KLK14: variants seen among roughly 807,000 people sequenced by gnomAD.
KLK14 encodes the protein kallikrein-14.
KLK14 carries 21 observed loss-of-function variants against 24.6 expected under a neutral mutation model. The ratio of observed to expected loss-of-function variants is 0.85; its 90% CI spans 0.61 to 1.23. KLK14 has a LOEUF of 1.23. KLK14 is among the 50% of genes most tolerant of loss of function. KLK14 has a pLI of 0.00. For synonymous variants in KLK14, 133 were observed against 139.7 expected (o/e 0.95, Z 0.34); for missense variants, 320 against 338.9 (o/e 0.94, Z 0.44).
Position 51,078,744 on chromosome 19 carries a change from T to C in KLK14, c.603+71A>G, listed in dbSNP as rs1281662111. The C allele has an allele frequency of 2.3e-5, 36 of 1,572,696 alleles. No homozygotes were observed. Among genetic ancestry groups the C allele is most frequent in the Non-Finnish European group, 2.9e-5 (33 of 1,157,856 alleles). ...TTCTGAAGACCTCTGCAGACTTCCA[T>C]GCTCCTGACATCATTTGCTTAAATC... On this transcript the variant is annotated intron_variant, in intron 5 of 5. Transcript: ENST00000650543. This position sits in a 1 kb window ranked among gnomAD's most constrained non-coding sequence, Gnocchi z 5.0.
chr19:51,083,190 A>G (rs555585051), upstream of KLK14, among the ~76,000 whole-genome samples: 6 of 151,372 alleles, frequency 4.0e-5, no homozygotes, highest in East Asian at 2.0e-4. Context: ...GAGTCAGGAA[A>G]CCAGGGTGGG....
At chr19:51,083,869 G>C (rs538343014), upstream of KLK14, among the ~76,000 whole-genome samples, 1 of 152,266 alleles carries the variant, frequency 6.6e-6, no homozygotes, top group African/African-American at 2.4e-5. Flanking sequence ...AACACACACA[G>C]AACAACAGCG....
At position 51,079,678 on chromosome 19, in the gene KLK14, C is replaced by T; in HGVS notation, c.237G>A (p.Lys79=). 2 of 1,571,494 alleles carry T rather than the reference C, an allele frequency of 1.3e-6. No homozygotes were observed. Among genetic ancestry groups the T allele is most frequent in the East Asian group, 2.4e-5 (1 of 42,484 alleles). Reference sequence around the variant, plus strand: ...TGGCCTCCCACCTCCTCAGGTTGTGCTTGCCCAGGGCAACCTGAAGGATCC... The same window carrying T: ...TGGCCTCCCACCTCCTCAGGTTGTGTTTGCCCAGGGCAACCTGAAGGATCC... ...GRPILQVALG[K]HNLRRWEATQ... The change falls in exon 4 of 6, where the codon AAG becomes AAA. Residue 79 remains lysine, a synonymous_variant. Coordinates refer to ENST00000650543, the MANE Select transcript of KLK14 (RefSeq NM_001369775.2).
chr19:51,082,149 T>G (rs1269088613), intron 2 of KLK14, among the ~76,000 whole-genome samples: 1 of 149,768 alleles, frequency 6.7e-6, no homozygotes, highest in Non-Finnish European at 1.5e-5. Flanking sequence ...CTTGCCCCCA[T>G]CCACCTCACA....
chr19:51,082,980 TTTTA>T, upstream of KLK14: 1 of 594,702 alleles, frequency 1.7e-6, no homozygotes, highest in Non-Finnish European at 3.0e-6. Context: ...ATTTTTTTTT[TTTTA>T]TTGCCTAGTT....
chr19:51,082,955 C>A (rs1000333645), upstream of KLK14: 2 of 616,180 alleles, frequency 3.2e-6, no homozygotes, highest in Non-Finnish European at 2.8e-6. Context: ...CACCTCCCGC[C>A]GCCCTGCTTC....
downstream of KLK14, chr19:51,077,799 G>A: frequency 2.4e-6 from 1 of 420,752 alleles, no homozygotes. Flanking sequence ...TGGACTCCCG[G>A]GTCTGAGGGA....
At chr19:51,081,163 T>C (rs2091836737) in intron 3 of KLK14, among the ~76,000 whole-genome samples, 1 of 152,206 alleles carries the variant, frequency 6.6e-6, no homozygotes, top group Non-Finnish European at 1.5e-5. Context: ...GGGCTCTGAG[T>C]TCTACGTAGT....
intron 3 of KLK14, among the ~76,000 whole-genome samples, chr19:51,081,021 T>C (rs1184515760): frequency 1.4e-4 from 22 of 152,254 alleles, no homozygotes. Context: ...AGCGGAGCTA[T>C]AGACTAGACT....
intron 4 of KLK14, 31 bp downstream of exon 4, chr19:51,079,418 C>G: frequency 1.3e-6 from 2 of 1,579,176 alleles, no homozygotes; most frequent in South Asian, 1.1e-5. Context: ...CAGGCCCAGT[C>G]CCCTGCTTTC....
intron 3 of KLK14, among the ~76,000 whole-genome samples, chr19:51,081,288 C>T (rs1240349738): frequency 6.6e-6 from 1 of 152,154 alleles, no homozygotes; most frequent in South Asian, 2.1e-4. Context: ...ATCAGATGTT[C>T]GGTTCTCAGC....
At position 51,079,648 on chromosome 19, in the gene KLK14, C is replaced by T. The variant is rs758900035; in HGVS notation, c.267G>A (p.Gln89=). 1.2e-5 allele frequency: 19 copies of T among 1,597,726 alleles called. No homozygotes were observed. The highest frequency in any genetic ancestry group is 1.5e-5 in the Non-Finnish European group (18 of 1,172,004). Residue 89 remains glutamine, a synonymous_variant, in exon 4 of 6, where the codon CAG becomes CAA. Transcript: ENST00000650543. ...KHNLRRWEAT[Q]QVLRVVRQVT... is the part of the protein sequence containing the mutation. ...CCTGACGAACCACGCGCAGCACCTG[C>T]TGGGTGGCCTCCCACCTCCTCAGGT...
rs377230129 is a variant in KLK14, at chr19:51,078,926, G to A, written c.492C>T (p.Cys164=). ...PIARYPASLQ[C]VNINISPDEV... is the part of the protein sequence containing the mutation. ...CATCCGGGGAGATGTTGATGTTCAC[G>A]CATTGCAGAGAGGCGGGGTACCTGG... Residue 164 remains cysteine (C), a synonymous_variant, in exon 5 of 6, where the codon TGC becomes TGT. Transcript: ENST00000650543. The surrounding 1 kb of genome is among the most constrained non-coding windows in gnomAD (Gnocchi z 5.0). The A allele has an allele frequency of 1.4e-5, 23 of 1,613,988 alleles. No individual in the cohort carries two copies. In the Middle Eastern group the frequency reaches 1.2e-3, roughly 81 times the overall value.
chr19:51,080,315 C>T (rs1385162974), intron 3 of KLK14, among the ~76,000 whole-genome samples: 2 of 152,132 alleles, frequency 1.3e-5, no homozygotes, highest in African/African-American at 4.8e-5. Flanking sequence ...GCTGGGATTA[C>T]AGGCGTGAGC....
intron 2 of KLK14, among the ~76,000 whole-genome samples, chr19:51,082,044 T>A (rs1206539177): frequency 1.3e-5 from 2 of 151,754 alleles, no homozygotes; most frequent in Admixed American, 1.3e-4. Flanking sequence ...TTCCCCCCAA[T>A]GAGTCCTTCC....
upstream of KLK14, among the ~76,000 whole-genome samples, chr19:51,083,286 GGAGAGAGA>G (rs756954891): frequency 2.2e-5 from 3 of 133,374 alleles, no homozygotes; most frequent in East Asian, 2.1e-4. Flanking sequence ...AGGGAGAGAG[GGAGAGAGA>G]GAGAGAGAGA....
At position 51,078,835 on chromosome 19, in the gene KLK14, C is replaced by G. The variant is rs1448136408; in HGVS notation, c.583G>C (p.Gly195Arg). Reference protein sequence around the residue: ...PGMVCAGVPQGGKDSCQGDSG... With the variant: ...PGMVCAGVPQRGKDSCQGDSG... ...CTTACCTGACAAGAGTCCTTCCCGC[C>G]CTGGGGAACTCCTGCACAGACCATG... Residue 195 changes from glycine to arginine, a missense_variant, in exon 5 of 6, where the codon GGC (glycine) becomes CGC (arginine). By Grantham distance (125) the Gly-to-Arg change is moderately radical. Coordinates refer to ENST00000650543, the MANE Select transcript of KLK14 (RefSeq NM_001369775.2). The surrounding 1 kb of genome is among the most constrained non-coding windows in gnomAD (Gnocchi z 5.0). The G allele has an allele frequency of 6.2e-7, 1 of 1,613,886 alleles. No individual in the cohort carries two copies. Among genetic ancestry groups the G allele is most frequent in the Admixed American group, 1.7e-5 (1 of 60,012 alleles).
At position 51,078,746 on chromosome 19, in the gene KLK14, C is replaced by CT. The variant is rs2091818106; in HGVS notation, c.603+68dup. 6.3e-7 allele frequency: 1 copy of CT among 1,577,856 alleles called. No individual in the cohort carries two copies. The highest frequency in any genetic ancestry group is 8.6e-7 in the Non-Finnish European group (1 of 1,160,278). On this transcript the variant is annotated intron_variant, in intron 5 of 5. Coordinates refer to ENST00000650543, the MANE Select transcript of KLK14 (RefSeq NM_001369775.2). This position sits in a 1 kb window ranked among gnomAD's most constrained non-coding sequence, Gnocchi z 5.0. ...CTGAAGACCTCTGCAGACTTCCATG[C>CT]TCCTGACATCATTTGCTTAAATCCC...
chr19:51,081,845 G>T, intron 2 of KLK14, 142 bp from the exon 3 acceptor site: 3 of 733,422 alleles, frequency 4.1e-6, no homozygotes, highest in Non-Finnish European at 4.2e-6. Context: ...CCCACCCAGG[G>T]TGAGACATGC....
Sources: allele counts gnomAD v4.1 joint callset (sites outside exome capture counted in the v4.1 genomes callset), GRCh38; gene constraint gnomAD v4.1.1; non-coding constraint Gnocchi (gnomAD v3.1); transcripts MANE v1.5; gene names NCBI Gene and HGNC (gene_info 2026-07-23, HGNC 2026-07-21).